The following MTMR7 variants were observed in gnomAD, a reference collection of about 807,000 sequenced individuals.
MTMR7 encodes the protein myotubularin related protein 7.
Under a neutral mutation model 81.2 loss-of-function variants are expected in MTMR7, and 76 were observed. The ratio of observed to expected loss-of-function variants is 0.94; its 90% CI spans 0.78 to 1.13. MTMR7 has a LOEUF of 1.13. MTMR7 is among the 50% of genes most tolerant of loss of function. MTMR7 has a pLI of 0.00. For missense variants in MTMR7, 1,044 were observed against 820.0 expected (o/e 1.27, Z -3.34); for synonymous variants, 372 against 289.8 (o/e 1.28, Z -2.88).
intron 1 of MTMR7, among the ~76,000 whole-genome samples, chr8:17,395,461 T>G (rs1057061071): frequency 2.0e-5 from 3 of 152,234 alleles, no homozygotes; most frequent in Non-Finnish European, 4.4e-5. Context: ...AGTCATATGA[T>G]AATTCTACAT....
Position 17,409,065 on chromosome 8 carries a change from T to C in MTMR7, c.24+4204A>G, listed in dbSNP as rs112670177. On this transcript the variant is annotated intron_variant, in intron 1 of 13. Coordinates refer to ENST00000180173, the MANE Select transcript of MTMR7 (RefSeq NM_004686.5). ...TCAGATACACTGACATCCACAAATA[T>C]TTCACACTAATACTATAAGATCCAC... Among the ~76,000 whole-genome samples, 1,464 of 152,288 alleles carry C rather than the reference T, an allele frequency of 9.6e-3. 31 individuals are homozygous for C. Among genetic ancestry groups the C allele is most frequent in the African/African-American group, 0.032 (1,327 of 41,554 alleles).
chr8:17,304,860 T>C (rs1817353756), intron 11 of MTMR7, among the ~76,000 whole-genome samples: 2 of 152,086 alleles, frequency 1.3e-5, no homozygotes, highest in Admixed American at 1.3e-4. Context: ...CCACGTTTTC[T>C]CTCATTTAAT....
intron 1 of MTMR7, among the ~76,000 whole-genome samples, chr8:17,410,806 G>A (rs1320047427): frequency 6.6e-6 from 1 of 152,170 alleles, no homozygotes; most frequent in Non-Finnish European, 1.5e-5. Flanking sequence ...GCGAGTGAAT[G>A]ACTTCCATTG....
At chr8:17,322,617 C>G (rs138498868) in intron 7 of MTMR7, among the ~76,000 whole-genome samples, 2 of 152,028 alleles carry the variant, frequency 1.3e-5, no homozygotes, top group South Asian at 4.2e-4. Context: ...CCCAGGAGTT[C>G]AAGATCAACC....
intron 5 of MTMR7, among the ~76,000 whole-genome samples, chr8:17,346,861 T>C (rs1819566797): frequency 7.6e-6 from 1 of 131,804 alleles, no homozygotes; most frequent in Non-Finnish European, 1.6e-5. Flanking sequence ...TGAAACTTCC[T>C]ATCTCTATTT....
intron 4 of MTMR7, among the ~76,000 whole-genome samples, chr8:17,360,508 G>C (rs999696511): frequency 2.0e-5 from 3 of 150,838 alleles, no homozygotes; most frequent in African/African-American, 7.3e-5. Flanking sequence ...AAACTATCTA[G>C]GATGTTCTCA....
intron 5 of MTMR7, among the ~76,000 whole-genome samples, chr8:17,343,197 CG>C (rs1309294798): frequency 6.6e-6 from 1 of 151,982 alleles, no homozygotes; most frequent in Admixed American, 6.6e-5. Flanking sequence ...GAGGCCGAGG[CG>C]GGGGGATAAC....
At chr8:17,303,733 C>T (rs957756264) in intron 12 of MTMR7, among the ~76,000 whole-genome samples, 1 of 152,026 alleles carries the variant, frequency 6.6e-6, no homozygotes, top group Non-Finnish European at 1.5e-5. Context: ...TCTCAGCCTC[C>T]CGAGTAGCTA....
chr8:17,301,290 G>T (rs1198223500), intron 13 of MTMR7, among the ~76,000 whole-genome samples: 1 of 152,198 alleles, frequency 6.6e-6, no homozygotes, highest in East Asian at 1.9e-4. Context: ...GAAGAGGGAT[G>T]AAGTGGTAAG....
intron 11 of MTMR7, 133 bp downstream of exon 11, chr8:17,305,624 A>C: frequency 1.4e-6 from 1 of 693,976 alleles, no homozygotes; most frequent in Non-Finnish European, 2.3e-6. Context: ...GAAAAAGAAA[A>C]TAAAACTAAT....
chr8:17,342,416 G>C (rs1262793453), intron 5 of MTMR7, among the ~76,000 whole-genome samples: 1 of 152,174 alleles, frequency 6.6e-6, no homozygotes, highest in African/African-American at 2.4e-5. Flanking sequence ...AATATGGAGG[G>C]GAAAGTTTCA....
intron 1 of MTMR7, among the ~76,000 whole-genome samples, chr8:17,394,518 C>T (rs1160374942): frequency 6.6e-6 from 1 of 151,944 alleles, no homozygotes; most frequent in African/African-American, 2.4e-5. Context: ...TAGAGATTGT[C>T]CAGGGTGTAG....
chr8:17,312,767 T>C (rs1171228257), intron 8 of MTMR7, among the ~76,000 whole-genome samples: 1 of 152,108 alleles, frequency 6.6e-6, no homozygotes, highest in Non-Finnish European at 1.5e-5. Context: ...TCAGGGAAGA[T>C]ATGGTTCTCT....
At chr8:17,407,201 T>C (rs1382094999) in intron 1 of MTMR7, among the ~76,000 whole-genome samples, 1 of 151,902 alleles carries the variant, frequency 6.6e-6, no homozygotes, top group Non-Finnish European at 1.5e-5. Context: ...AAAATATAAA[T>C]AGATAATTCA....
chr8:17,310,373 G>A (rs187993903), intron 9 of MTMR7, among the ~76,000 whole-genome samples: 8 of 152,304 alleles, frequency 5.3e-5, no homozygotes, highest in African/African-American at 1.9e-4. Context: ...AAAGTGGCCA[G>A]AGATTTCCCC....
chr8:17,407,625 T>C (rs1479093032), intron 1 of MTMR7, among the ~76,000 whole-genome samples: 1 of 151,860 alleles, frequency 6.6e-6, no homozygotes, highest in African/African-American at 2.4e-5. Flanking sequence ...CATAACCTTC[T>C]AAAAGTATGT....
intron 1 of MTMR7, among the ~76,000 whole-genome samples, chr8:17,395,961 G>A (rs1821233660): frequency 6.6e-6 from 1 of 152,046 alleles, no homozygotes; most frequent in Admixed American, 6.6e-5. Context: ...TAGAGTCTAT[G>A]ACCTCAATCT....
chr8:17,382,387 G>A (rs1272921014), intron 1 of MTMR7, among the ~76,000 whole-genome samples: 1 of 152,064 alleles, frequency 6.6e-6, no homozygotes, highest in Non-Finnish European at 1.5e-5. Context: ...GCTTCTCTTG[G>A]GGAGTTAGGA....
At chr8:17,405,879 C>CA (rs1821567958) in intron 1 of MTMR7, among the ~76,000 whole-genome samples, 1 of 49,674 alleles carries the variant, frequency 2.0e-5, no homozygotes. Context: ...CACACACACA[C>CA]CACAGAGAAA....
Sources: gnomAD v4.1 joint callset for allele counts (sites outside exome capture counted in the v4.1 genomes callset) on GRCh38, gnomAD v4.1.1 for gene constraint, MANE v1.5 for transcripts, NCBI Gene and HGNC (gene_info 2026-07-23, HGNC 2026-07-21) for gene names.